KALRN: variants seen among roughly 807,000 people sequenced by gnomAD.
KALRN encodes the protein kalirin RhoGEF kinase, also known as kalirin.
In KALRN, 70 loss-of-function variants were observed where a neutral mutation model predicts 353.7. The observed-to-expected ratio is 0.20, with a 90% CI of 0.16 to 0.24. KALRN has a LOEUF of 0.24. KALRN is among the 10% of genes least tolerant of loss of function. The pLI, the probability that KALRN is intolerant of heterozygous loss-of-function variation, is 1.00. For synonymous variants in KALRN, 1,391 were observed against 1,434.8 expected (o/e 0.97, Z 0.69); for missense variants, 2,791 against 3,756.7 (o/e 0.74, Z 6.72).
At chr3:124,366,876 C>CAGA (rs2084815067) in intron 10 of KALRN, among the ~76,000 whole-genome samples, 6 of 129,326 alleles carry the variant, frequency 4.6e-5, no homozygotes, top group African/African-American at 2.1e-4. Flanking sequence ...GCTGGCCGGG[C>CAGA]GGGGGGCTGA....
At chr3:124,165,481 A>T (rs1002509791) in intron 1 of KALRN, among the ~76,000 whole-genome samples, 1 of 152,198 alleles carries the variant, frequency 6.6e-6, no homozygotes, top group South Asian at 2.1e-4. Context: ...CATGGTTCCC[A>T]TGCATGGCTT....
At chr3:124,558,004 T>C (rs2071487052) in intron 33 of KALRN, among the ~76,000 whole-genome samples, 1 of 152,152 alleles carries the variant, frequency 6.6e-6, no homozygotes, top group African/African-American at 2.4e-5. Flanking sequence ...GGTCCCACCA[T>C]GTCTTTGTTT....
At chr3:124,231,271 G>T (rs1478001606) in intron 2 of KALRN, among the ~76,000 whole-genome samples, 1 of 152,234 alleles carries the variant, frequency 6.6e-6, no homozygotes, top group Non-Finnish European at 1.5e-5. Context: ...CAGCTCACGA[G>T]CTCCCCTTGG....
chr3:124,223,051 C>CTT (rs527853238), intron 1 of KALRN, among the ~76,000 whole-genome samples: 4 of 140,028 alleles, frequency 2.9e-5, no homozygotes, highest in Admixed American at 7.2e-5. Flanking sequence ...TTAAGAAGCT[C>CTT]TTTTTTTTTT....
At chr3:124,371,701 C>T (rs1017470665) in intron 10 of KALRN, among the ~76,000 whole-genome samples, 1 of 152,060 alleles carries the variant, frequency 6.6e-6, no homozygotes, top group African/African-American at 2.4e-5. Flanking sequence ...TTATGATGTA[C>T]ATGAGATGTT....
At chr3:124,601,877 A>G (rs199684757) in intron 34 of KALRN, among the ~76,000 whole-genome samples, 1 of 143,348 alleles carries the variant, frequency 7.0e-6, no homozygotes. Context: ...GAAAAAAAAA[A>G]TAGCTGGGTT....
Position 124,070,157 on chromosome 3 carries a change from TG to T in KALRN, c.73+36348del, listed in dbSNP as rs200811908. ...TTAGCTGGATTTGATCCCTATATTC[TG>T]GGGACTTGCTCTCTAACGCTTATGG... On this transcript the variant is annotated intron_variant, in intron 1 of 59. Coordinates refer to ENST00000682506, the MANE Select transcript of KALRN (RefSeq NM_001388419.1). Among the ~76,000 whole-genome samples, 1,143 of 152,344 alleles carry T rather than the reference TG, an allele frequency of 7.5e-3. 9 individuals are homozygous for T. Among genetic ancestry groups the T allele is most frequent in the South Asian group, 9.7e-3 (47 of 4,830 alleles).
chr3:124,685,111 A>G (rs1172214126), intron 51 of KALRN, among the ~76,000 whole-genome samples: 1 of 152,058 alleles, frequency 6.6e-6, no homozygotes, highest in African/African-American at 2.4e-5. Flanking sequence ...TATAAAAAGA[A>G]TTTTTTCATG....
intron 34 of KALRN, among the ~76,000 whole-genome samples, chr3:124,582,907 C>T (rs1026130434): frequency 1.3e-5 from 2 of 152,100 alleles, no homozygotes; most frequent in Non-Finnish European, 2.9e-5. Flanking sequence ...GTAACTGGGA[C>T]CACAGGTATG....
intron 1 of KALRN, among the ~76,000 whole-genome samples, chr3:124,225,566 A>C (rs746817586): frequency 1.2e-4 from 19 of 152,156 alleles, no homozygotes; most frequent in Non-Finnish European, 2.4e-4. Context: ...CCATGACTGC[A>C]AGCTGCATGG....
intron 17 of KALRN, among the ~76,000 whole-genome samples, chr3:124,435,669 C>A (rs564094009): frequency 6.6e-6 from 1 of 152,264 alleles, no homozygotes; most frequent in South Asian, 2.1e-4. Context: ...TGAGAGTCTC[C>A]ACCCCTTCTT....
intron 1 of KALRN, among the ~76,000 whole-genome samples, chr3:124,054,546 C>T (rs1001543873): frequency 6.6e-6 from 1 of 152,040 alleles, no homozygotes; most frequent in Non-Finnish European, 1.5e-5. Context: ...TCAGAATGTA[C>T]CTGTAAGGCC....
At chr3:124,578,896 A>G (rs947134629) in intron 34 of KALRN, among the ~76,000 whole-genome samples, 11 of 152,146 alleles carry the variant, frequency 7.2e-5, no homozygotes, top group African/African-American at 2.7e-4. Flanking sequence ...TGGCCTCTGC[A>G]CTCACCAGGA....
At chr3:124,711,956 A>G (rs545352690) in intron 57 of KALRN, among the ~76,000 whole-genome samples, 2 of 152,358 alleles carry the variant, frequency 1.3e-5, no homozygotes, top group Non-Finnish European at 2.9e-5. Flanking sequence ...AAATAAAATG[A>G]AATGATGGAC....
At chr3:124,420,519 T>C (rs1049391085) in intron 14 of KALRN, among the ~76,000 whole-genome samples, 1 of 152,220 alleles carries the variant, frequency 6.6e-6, no homozygotes, top group Non-Finnish European at 1.5e-5. Context: ...TTTGTATTCT[T>C]ACTTTTGATT....
At chr3:124,340,082 G>A (rs1277304305) in intron 9 of KALRN, among the ~76,000 whole-genome samples, 1 of 152,144 alleles carries the variant, frequency 6.6e-6, no homozygotes, top group Non-Finnish European at 1.5e-5. Context: ...CAAATCAAAT[G>A]AACCCCCTGT....
intron 34 of KALRN, among the ~76,000 whole-genome samples, chr3:124,564,090 AG>A (rs2072433403): frequency 6.6e-6 from 1 of 151,062 alleles, no homozygotes; most frequent in African/African-American, 2.4e-5. Context: ...CTGTAGTCCC[AG>A]CTACTCGGGA....
chr3:124,653,165 C>A (rs1380943085), intron 38 of KALRN, among the ~76,000 whole-genome samples: 1 of 152,092 alleles, frequency 6.6e-6, no homozygotes, highest in Non-Finnish European at 1.5e-5. Context: ...TCACTGTAAA[C>A]CATATGTGAG....
intron 34 of KALRN, among the ~76,000 whole-genome samples, 163 bp downstream of exon 34, chr3:124,563,252 G>A (rs1405516871): frequency 6.6e-6 from 1 of 152,184 alleles, no homozygotes; most frequent in Non-Finnish European, 1.5e-5. Context: ...TGGGAACTTG[G>A]AGAGGAAGAG....
Sources: gnomAD v4.1 joint callset for allele counts (sites outside exome capture counted in the v4.1 genomes callset) on GRCh38, gnomAD v4.1.1 for gene constraint, MANE v1.5 for transcripts, NCBI Gene and HGNC (gene_info 2026-07-23, HGNC 2026-07-21) for gene names.